GOLPH3L: variants seen among roughly 807,000 people sequenced by gnomAD.
GOLPH3L encodes golgi phosphoprotein 3 like.
In GOLPH3L, 22 loss-of-function variants were observed where a neutral mutation model predicts 30.3. The observed-to-expected ratio is 0.73, with a 90% confidence interval of 0.52 to 1.04. The LOEUF (loss-of-function observed/expected upper bound fraction) is 1.04. GOLPH3L is among the 50% of genes least tolerant of loss of function. The pLI is 0.00. For synonymous variants in GOLPH3L, 120 were observed against 128.2 expected (o/e 0.94, Z 0.43); for missense variants, 303 against 345.8 (o/e 0.88, Z 0.98).
intron 4 of GOLPH3L, among the ~76,000 whole-genome samples, chr1:150,655,694 G>A (rs775429434): frequency 2.0e-5 from 3 of 152,222 alleles, no homozygotes; most frequent in East Asian, 1.9e-4. Context: ...AAAGGACTTC[G>A]TTAATGAACA....
At chr1:150,691,432 C>G (rs1651210127) in intron 2 of GOLPH3L, among the ~76,000 whole-genome samples, 1 of 152,046 alleles carries the variant, frequency 6.6e-6, no homozygotes, top group South Asian at 2.1e-4. Context: ...AGGAGAATTG[C>G]TTGAACTCGG....
intron 4 of GOLPH3L, among the ~76,000 whole-genome samples, chr1:150,652,994 G>C (rs1168650805): frequency 1.3e-5 from 2 of 151,428 alleles, no homozygotes; most frequent in Admixed American, 6.6e-5. Flanking sequence ...GATGTAATAC[G>C]TGTAACAATA....
At chr1:150,675,653 G>A (rs946345127) in intron 2 of GOLPH3L, among the ~76,000 whole-genome samples, 1 of 151,848 alleles carries the variant, frequency 6.6e-6, no homozygotes, top group Non-Finnish European at 1.5e-5. Flanking sequence ...GCATGTGCCT[G>A]TAGTCCCAGC....
At chr1:150,674,411 T>C (rs980222128) in intron 2 of GOLPH3L, among the ~76,000 whole-genome samples, 1 of 151,872 alleles carries the variant, frequency 6.6e-6, no homozygotes, top group African/African-American at 2.4e-5. Flanking sequence ...CAGGCATATG[T>C]CACTAGGCCT....
At chr1:150,665,349 C>T (rs1378657901) in intron 2 of GOLPH3L, among the ~76,000 whole-genome samples, 6 of 151,198 alleles carry the variant, frequency 4.0e-5, no homozygotes, top group African/African-American at 1.2e-4. Context: ...AAGAGACAGG[C>T]GGGGTCTTGC....
intron 2 of GOLPH3L, among the ~76,000 whole-genome samples, chr1:150,685,715 AAAAAAT>A (rs958709707): frequency 1.3e-5 from 2 of 152,204 alleles, no homozygotes; most frequent in African/African-American, 4.8e-5. Flanking sequence ...AGTCCATCTC[AAAAAAT>A]AAAAATAAAA....
At chr1:150,664,000 G>A (rs920276386) in intron 2 of GOLPH3L, among the ~76,000 whole-genome samples, 2 of 132,132 alleles carry the variant, frequency 1.5e-5, no homozygotes, top group African/African-American at 5.3e-5. Context: ...AATAAATGAT[G>A]TGCAATTTTT....
intron 2 of GOLPH3L, chr1:150,694,233 T>C: frequency 5.2e-6 from 2 of 380,990 alleles, no homozygotes; most frequent in South Asian, 2.0e-5. Flanking sequence ...ACCTACCAAT[T>C]GTTTATTTCT....
At chr1:150,674,100 A>C (rs984009051) in intron 2 of GOLPH3L, among the ~76,000 whole-genome samples, 3 of 152,130 alleles carry the variant, frequency 2.0e-5, no homozygotes, top group Non-Finnish European at 2.9e-5. Flanking sequence ...ATCCATCCCC[A>C]AAACAACCAA....
chr1:150,672,082 A>G (rs971921952), intron 2 of GOLPH3L, among the ~76,000 whole-genome samples: 3 of 152,084 alleles, frequency 2.0e-5, no homozygotes, highest in South Asian at 4.1e-4. Flanking sequence ...GAACCCCTCC[A>G]TCTCCCCAAG....
chr1:150,653,706 T>C (rs968786519), intron 4 of GOLPH3L, among the ~76,000 whole-genome samples: 15 of 152,004 alleles, frequency 9.9e-5, no homozygotes. Context: ...TCTTCCCACC[T>C]GAGTGTCCCA....
intron 2 of GOLPH3L, among the ~76,000 whole-genome samples, chr1:150,664,811 T>G (rs187834904): frequency 5.3e-5 from 8 of 152,264 alleles, no homozygotes; most frequent in African/African-American, 1.9e-4. Context: ...AGTGCCTTGG[T>G]TATGTTACTT....
At chr1:150,663,039 A>AT (rs11432766) in intron 3 of GOLPH3L, among the ~76,000 whole-genome samples, 56,957 of 147,610 alleles carry the variant, frequency 0.39, 11,016 homozygotes, top group South Asian at 0.55. Context: ...CTATTTCGTA[A>AT]TTTTTTTTTT....
At chr1:150,680,184 C>T (rs1327938276) in intron 2 of GOLPH3L, among the ~76,000 whole-genome samples, 6 of 152,060 alleles carry the variant, frequency 3.9e-5, no homozygotes, top group Admixed American at 3.9e-4. Flanking sequence ...GCAAAGAGTG[C>T]AGATCTAAGA....
At chr1:150,693,014 TC>T (rs1651247653) in intron 2 of GOLPH3L, among the ~76,000 whole-genome samples, 1 of 152,240 alleles carries the variant, frequency 6.6e-6, no homozygotes, top group African/African-American at 2.4e-5. Flanking sequence ...TCTGACATTC[TC>T]TTGGAGAGCT....
chr1:150,684,334 C>T (rs1440435068), intron 2 of GOLPH3L, among the ~76,000 whole-genome samples: 2 of 152,104 alleles, frequency 1.3e-5, no homozygotes, highest in African/African-American at 4.8e-5. Context: ...GTCATTTAGT[C>T]TTAAGCTTTT....
intron 2 of GOLPH3L, among the ~76,000 whole-genome samples, chr1:150,676,119 G>T (rs936165104): frequency 2.6e-5 from 4 of 151,812 alleles, no homozygotes; most frequent in Non-Finnish European, 5.9e-5. Context: ...AACTACCAGC[G>T]CATGCCACCA....
chr1:150,692,642 C>G (rs1557791068), intron 2 of GOLPH3L, among the ~76,000 whole-genome samples: 1 of 152,190 alleles, frequency 6.6e-6, no homozygotes. Context: ...ATCCTCTTAC[C>G]TTGGCCTCCC....
chr1:150,668,892 T>C (rs1407871017), intron 2 of GOLPH3L, among the ~76,000 whole-genome samples: 1 of 152,194 alleles, frequency 6.6e-6, no homozygotes, highest in South Asian at 2.1e-4. Flanking sequence ...GGAAGAAAGT[T>C]TTCTTTTGTT....
Sources: allele counts gnomAD v4.1 joint callset (sites outside exome capture counted in the v4.1 genomes callset), GRCh38; gene constraint gnomAD v4.1.1; transcripts MANE v1.5; gene names NCBI Gene and HGNC (gene_info 2026-07-23, HGNC 2026-07-21).